Variants in RCCD1 observed in about 807,000 individuals in gnomAD.
The protein encoded by RCCD1 is RCC1 domain-containing protein 1.
A neutral mutation model predicts 37.6 loss-of-function variants in RCCD1; 40 were observed. That is an observed-to-expected ratio of 1.06 (90% CI 0.83 to 1.39). The LOEUF is 1.39. Among genes scored for constraint, RCCD1 ranks in the 40% most tolerant of loss-of-function variants. The pLI, the probability that RCCD1 is intolerant of heterozygous loss-of-function variation, is 0.00. For missense variants in RCCD1, 577 were observed against 517.3 expected (o/e 1.12, Z -1.12); for synonymous variants, 263 against 230.0 (o/e 1.14, Z -1.30).
chr15:90,961,363 G>C, intron 7 of RCCD1: 2 of 581,282 alleles, frequency 3.4e-6, no homozygotes, highest in Non-Finnish European at 6.1e-6. Flanking sequence ...TGGAGAAAAA[G>C]ATTCGATGGA....
intron 7 of RCCD1, chr15:90,961,278 CCT>C (rs1400107843): frequency 3.3e-6 from 2 of 598,308 alleles, no homozygotes; most frequent in East Asian, 5.6e-5. Context: ...CACCCGCCTA[CCT>C]CTCTGAAAGA....
intron 4 of RCCD1, 50 bp from the exon 5 acceptor site, chr15:90,959,850 G>C: frequency 7.1e-7 from 1 of 1,399,408 alleles, no homozygotes; most frequent in South Asian, 1.3e-5. Flanking sequence ...AGTTTGGATG[G>C]ATGCAGGGGC....
intron 6 of RCCD1, 64 bp from the exon 7 acceptor site, chr15:90,960,961 G>C: frequency 6.5e-7 from 1 of 1,527,552 alleles, no homozygotes; most frequent in Non-Finnish European, 9.1e-7. Flanking sequence ...GTGCCAAGCT[G>C]GGCTGGACAG....
intron 1 of RCCD1, chr15:90,955,661 C>G (rs2037166578): frequency 6.6e-6 from 1 of 151,352 alleles, no homozygotes; most frequent in South Asian, 2.1e-4. Context: ...AATTTGAGAC[C>G]AGCCTGGGCA....
chr15:90,960,951 G>A (rs3743451), intron 6 of RCCD1, 74 bp from the exon 7 acceptor site: 148,428 of 1,422,696 alleles, frequency 0.1, 13,585 homozygotes, highest in East Asian at 0.49. Flanking sequence ...GCTGTGGGCT[G>A]TGCCAAGCTG....
At chr15:90,958,189 G>T (rs1361631242) in intron 4 of RCCD1, among the ~76,000 whole-genome samples, 3 of 152,216 alleles carry the variant, frequency 2.0e-5, no homozygotes, top group Non-Finnish European at 4.4e-5. Context: ...AGAGTGAGGA[G>T]TTTCACTTGG....
At chr15:90,961,547 G>T (rs1284895644) in intron 7 of RCCD1, 71 bp from the exon 8 acceptor site, 1 of 1,508,488 alleles carries the variant, frequency 6.6e-7, no homozygotes, top group Admixed American at 1.9e-5. Flanking sequence ...GATAGTCTGG[G>T]CCCCTTCCTG....
rs1490088708 is a variant in RCCD1, at chr15:90,960,000, T to C, written c.778+2T>C. 1 of 1,610,234 alleles carries C rather than the reference T, an allele frequency of 6.2e-7. No individual in the cohort carries two copies. The highest frequency in any genetic ancestry group is 8.5e-7 in the Non-Finnish European group (1 of 1,177,956). Reference sequence around the variant, plus strand: ...ATGGAGAGACTGTCGCAAGGGAAGGTGAGGGTCATCTCGGCTCCCACAGCC... The same window carrying C: ...ATGGAGAGACTGTCGCAAGGGAAGGCGAGGGTCATCTCGGCTCCCACAGCC... On this transcript the variant is annotated splice_donor_variant, in intron 5 of 7. Transcript: ENST00000394258. LOFTEE classifies it high-confidence loss of function.
At chr15:90,960,875 C>G (rs2037301160) in intron 6 of RCCD1, 150 bp from the exon 7 acceptor site, 1 of 791,902 alleles carries the variant, frequency 1.3e-6, no homozygotes, top group Non-Finnish European at 2.2e-6. Flanking sequence ...CACGTGTGAT[C>G]AGCCAGTTGT....
At chr15:90,958,212 A>G (rs2037241823) in intron 4 of RCCD1, among the ~76,000 whole-genome samples, 1 of 152,180 alleles carries the variant, frequency 6.6e-6, no homozygotes, top group South Asian at 2.1e-4. Context: ...ATCCAGGTGT[A>G]GCTCCTTCCT....
chr15:90,956,316 A>G (rs2037192303), intron 1 of RCCD1, among the ~76,000 whole-genome samples: 1 of 152,068 alleles, frequency 6.6e-6, no homozygotes, highest in Non-Finnish European at 1.5e-5. Flanking sequence ...TAAAACGACC[A>G]TTTTGGTTCC....
chr15:90,956,887 C>A lies in RCCD1; in HGVS notation c.153C>A (p.Thr51=), dbSNP rs757183807. The A allele has an allele frequency of 4.7e-5, 61 of 1,289,224 alleles. No individual in the cohort carries two copies. Among genetic ancestry groups the A allele is most frequent in the Non-Finnish European group, 5.4e-5 (55 of 1,018,782 alleles). The allele number at this position is 1,289,224 out of a possible 1,614,324, so 79.9% of individuals were successfully genotyped here. A position where few individuals can be genotyped will look rare whatever the true frequency, so the allele number is the denominator to read the frequency against. Residue 51 remains threonine (T), a synonymous_variant, in exon 2 of 8, where the codon ACC becomes ACA. Coordinates refer to ENST00000394258, the MANE Select transcript of RCCD1 (RefSeq NM_001017919.2). ...ICRVSASWSY[T]AFVTRGGRLE... ...GCGTGAGCGCGAGCTGGAGCTACAC[C>A]GCTTTCGTGACCCGTGAGCACTCCC...
In RCCD1 at chr15:90,961,849, C is replaced by T; in HGVS notation, c.*80C>T. 6.9e-7 allele frequency: 1 copy of T among 1,448,932 alleles called. No homozygotes were observed. The highest frequency in any genetic ancestry group is 1.3e-5 in the South Asian group (1 of 76,824). The allele number at this position is 1,448,932 out of a possible 1,614,324, so 89.8% of individuals were successfully genotyped here. ...AAAACCATTGCCTGCACCCCAAGGG[C>T]CCCATATTTGCCCCTCCCCATCACA... On this transcript the variant is annotated 3_prime_UTR_variant, in exon 8 of 8. Coordinates refer to ENST00000394258, the MANE Select transcript of RCCD1 (RefSeq NM_001017919.2).
Position 90,961,810 on chromosome 15 carries a change from C to A in RCCD1, c.*41C>A, listed in dbSNP as rs535322440. ...GTATATGCAACACCTGTGAGACCCC[C>A]ATTCAGGTCAAGGAAAACCATTGCC... On this transcript the variant is annotated 3_prime_UTR_variant, in exon 8 of 8. Coordinates refer to ENST00000394258, the MANE Select transcript of RCCD1 (RefSeq NM_001017919.2). The A allele has an allele frequency of 3.2e-6, 5 of 1,586,120 alleles. No homozygotes were observed. The highest frequency in any genetic ancestry group is 2.2e-5 in the East Asian group (1 of 44,462).
chr15:90,960,042 G>A, intron 5 of RCCD1, 44 bp downstream of exon 5: 1 of 1,484,252 alleles, frequency 6.7e-7, no homozygotes, highest in Non-Finnish European at 9.4e-7. Flanking sequence ...CCAGGATGTG[G>A]CTGTCATTCC....
chr15:90,962,936 A>T lies in RCCD1; in HGVS notation c.*1167A>T, dbSNP rs1041116276. The stretch of plus-strand genomic sequence containing the variant: ...CCAGGTAAGGCTCAAAGTGCTTTAC[A>T]AGTATCAACTTATTTTGATAAAATA... On this transcript the variant is annotated 3_prime_UTR_variant, in exon 8 of 8. Coordinates refer to ENST00000394258, the MANE Select transcript of RCCD1 (RefSeq NM_001017919.2). The T allele has an allele frequency of 2.0e-5, 3 of 152,178 alleles. No individual in the cohort carries two copies. Among genetic ancestry groups the T allele is most frequent in the African/African-American group, 7.2e-5 (3 of 41,424 alleles). The allele number at this position is 152,178 out of a possible 1,614,324, so 9.4% of individuals were successfully genotyped here.
At chr15:90,956,189 T>G (rs1289923943) in intron 1 of RCCD1, among the ~76,000 whole-genome samples, 1 of 152,192 alleles carries the variant, frequency 6.6e-6, no homozygotes, top group Non-Finnish European at 1.5e-5. Flanking sequence ...CGTTCCGCTG[T>G]GGGGAGAGGG....
chr15:90,961,823 G>A lies in RCCD1; in HGVS notation c.*54G>A, dbSNP rs1016640141. 6.4e-7 allele frequency: 1 copy of A among 1,562,214 alleles called. No homozygotes were observed. The highest frequency in any genetic ancestry group is 8.7e-7 in the Non-Finnish European group (1 of 1,147,958). On this transcript the variant is annotated 3_prime_UTR_variant, in exon 8 of 8. Coordinates refer to ENST00000394258, the MANE Select transcript of RCCD1 (RefSeq NM_001017919.2). ...CTGTGAGACCCCCATTCAGGTCAAGGAAAACCATTGCCTGCACCCCAAGGG... is the reference window on the plus strand; with the variant it reads ...CTGTGAGACCCCCATTCAGGTCAAGAAAAACCATTGCCTGCACCCCAAGGG...
In RCCD1 at chr15:90,956,910, C is replaced by T. The variant is rs371099654; in HGVS notation, c.166+10C>T. 6.8e-5 allele frequency: 87 copies of T among 1,281,916 alleles called. No individual in the cohort carries two copies. In the African/African-American group the frequency reaches 1.2e-3, roughly 18 times the overall value. The allele number at this position is 1,281,916 out of a possible 1,614,324, so 79.4% of individuals were successfully genotyped here. Reference sequence around the variant, plus strand: ...ACCGCTTTCGTGACCCGTGAGCACTCCCCGCCCCGTCCCCACTTATTCCAG... The same window carrying T: ...ACCGCTTTCGTGACCCGTGAGCACTTCCCGCCCCGTCCCCACTTATTCCAG... On this transcript the variant is annotated intron_variant, in intron 2 of 7. Coordinates refer to ENST00000394258, the MANE Select transcript of RCCD1 (RefSeq NM_001017919.2).
Sources: gnomAD v4.1 joint callset for allele counts (sites outside exome capture counted in the v4.1 genomes callset) on GRCh38, gnomAD v4.1.1 for gene constraint, MANE v1.5 for transcripts, NCBI Gene and HGNC (gene_info 2026-07-23, HGNC 2026-07-21) for gene names.